Variants in CORO7 observed in about 807,000 individuals in gnomAD.
CORO7 encodes coronin 7, also known as coronin-7.
In CORO7, 107 loss-of-function variants were observed where a neutral mutation model predicts 126.6. The observed-to-expected ratio is 0.85, with a 90% CI of 0.72 to 0.99. The LOEUF (loss-of-function observed/expected upper bound fraction) is 0.99. Ranked by LOEUF, CORO7 falls within the 50% of genes least tolerant of loss-of-function variation. The pLI is 0.00. For missense variants in CORO7, 1,314 were observed against 1,255.8 expected (o/e 1.05, Z -0.70); for synonymous variants, 603 against 536.8 (o/e 1.12, Z -1.70).
intron 21 of CORO7, among the ~76,000 whole-genome samples, chr16:4,359,999 C>T (rs565420755): frequency 2.7e-4 from 38 of 138,702 alleles, no homozygotes; most frequent in Non-Finnish European, 5.3e-4. Context: ...ATCCATCTCC[C>T]CCTTACCCCC....
At chr16:4,378,672 G>A (rs1051033345) in intron 9 of CORO7, among the ~76,000 whole-genome samples, 4 of 152,052 alleles carry the variant, frequency 2.6e-5, no homozygotes, top group South Asian at 2.1e-4. Flanking sequence ...GGTTTGGGGT[G>A]CTAACTTCTT....
intron 9 of CORO7, among the ~76,000 whole-genome samples, chr16:4,377,833 G>A (rs921395892): frequency 6.6e-6 from 1 of 152,186 alleles, no homozygotes; most frequent in African/African-American, 2.4e-5. Flanking sequence ...CACATTTTAC[G>A]GGGCTGGGAA....
intron 9 of CORO7, chr16:4,382,585 C>T (rs1191447936): frequency 2.5e-6 from 4 of 1,587,434 alleles, no homozygotes; most frequent in South Asian, 1.1e-5. Flanking sequence ...CACCCAGGCC[C>T]GCGAGGGCAA....
intron 16 of CORO7, 77 bp from the exon 17 acceptor site, chr16:4,361,546 G>A: frequency 6.6e-7 from 1 of 1,516,910 alleles, no homozygotes; most frequent in Non-Finnish European, 9.0e-7. Context: ...CGGGCAAGCA[G>A]CATGTCTGGG....
At chr16:4,357,000 T>G (rs2053996286) in intron 26 of CORO7, 168 bp downstream of exon 26, 7 of 912,696 alleles carry the variant, frequency 7.7e-6, no homozygotes, top group Admixed American at 7.3e-5. Flanking sequence ...CCGGGCCCCA[T>G]GGTCAGTGGT....
chr16:4,358,100 C>G lies in CORO7; in HGVS notation c.2461G>C (p.Glu821Gln). The G allele has an allele frequency of 6.2e-7, 1 of 1,611,614 alleles. No homozygotes were observed. Among genetic ancestry groups the G allele is most frequent in the Non-Finnish European group, 8.5e-7 (1 of 1,178,310 alleles). The change falls in exon 25 of 28, where the codon GAG becomes CAG. Residue 821 changes from glutamate to glutamine, a missense_variant. By Grantham distance (29) the Glu-to-Gln change is conservative. Transcript: ENST00000251166. The part of the protein sequence containing the change: ...VAFRLPRVRK[E>Q]FFQDDVFPDT... ...GGGAACACGTCATCCTGGAAGAACT[C>G]TTTCTGCAGAGGGAGAAACGGGCTG... is the stretch of plus-strand genomic sequence containing the variant.
intron 6 of CORO7, among the ~76,000 whole-genome samples, chr16:4,397,684 G>A (rs945323744): frequency 3.9e-5 from 6 of 151,956 alleles, no homozygotes; most frequent in African/African-American, 1.4e-4. Context: ...CGCGATCTCG[G>A]CTCACTGCAA....
chr16:4,416,340 G>A (rs948601105), intron 1 of CORO7, 119 bp downstream of exon 1: 61 of 1,323,194 alleles, frequency 4.6e-5, no homozygotes, highest in Non-Finnish European at 5.8e-5. Context: ...GGTTCCCCGG[G>A]GATGGAGGTC....
At chr16:4,382,288 G>A (rs765644688) in intron 9 of CORO7, 2 of 1,609,942 alleles carry the variant, frequency 1.2e-6, no homozygotes, top group South Asian at 1.1e-5. Flanking sequence ...CATCGAGCCG[G>A]TGAGCCCCAC....
intron 16 of CORO7, 80 bp from the exon 17 acceptor site, chr16:4,361,549 T>A: frequency 1.3e-6 from 2 of 1,499,488 alleles, no homozygotes; most frequent in South Asian, 2.3e-5. Context: ...GCAAGCAGCA[T>A]GTCTGGGAGC....
intron 11 of CORO7, 22 bp from the exon 12 acceptor site, chr16:4,364,942 A>T (rs1461843834): frequency 1.2e-6 from 2 of 1,609,162 alleles, no homozygotes; most frequent in Admixed American, 1.7e-5. Context: ...ACCATAGGGG[A>T]ACAGGCAGGA....
intron 8 of CORO7, 105 bp downstream of exon 8, chr16:4,388,440 G>T: frequency 7.7e-7 from 1 of 1,290,930 alleles, no homozygotes; most frequent in Non-Finnish European, 1.1e-6. Context: ...GACAGGCCTG[G>T]AACTGGCCCT....
intron 6 of CORO7, among the ~76,000 whole-genome samples, chr16:4,401,238 G>A (rs372387482): frequency 2.6e-5 from 4 of 152,228 alleles, no homozygotes; most frequent in African/African-American, 7.2e-5. Flanking sequence ...GAGCAAAGAG[G>A]TGGAGAAAGG....
chr16:4,389,293 G>A (rs979850465), intron 7 of CORO7, among the ~76,000 whole-genome samples: 2 of 152,194 alleles, frequency 1.3e-5, no homozygotes, highest in Non-Finnish European at 2.9e-5. Context: ...GGAGAGGGAA[G>A]CTCACATGGT....
At chr16:4,408,051 C>T (rs937912067) in intron 4 of CORO7, 130 bp downstream of exon 4, 38 of 1,401,668 alleles carry the variant, frequency 2.7e-5, no homozygotes, top group Admixed American at 3.8e-5. Flanking sequence ...AGACCAGCCC[C>T]GCAGCCCTGG....
At chr16:4,391,505 G>C (rs903598497) in intron 7 of CORO7, among the ~76,000 whole-genome samples, 1 of 152,190 alleles carries the variant, frequency 6.6e-6, no homozygotes, top group Non-Finnish European at 1.5e-5. Flanking sequence ...GCAGTGAGCC[G>C]AGACTGTGCC....
At chr16:4,361,880 G>A in intron 16 of CORO7, 105 bp downstream of exon 16, 3 of 1,502,558 alleles carry the variant, frequency 2.0e-6, no homozygotes, top group Non-Finnish European at 1.8e-6. Context: ...GCAGGAGCCT[G>A]ACACAAGGTT....
At position 4,388,597 on chromosome 16, in the gene CORO7, C is replaced by T. The variant is rs771356440; in HGVS notation, c.650G>A (p.Arg217Gln). 2.9e-5 allele frequency: 47 copies of T among 1,612,926 alleles called. No individual in the cohort carries two copies. Among genetic ancestry groups the T allele is most frequent in the Admixed American group, 5.0e-5 (3 of 59,942 alleles). Reference sequence around the variant, plus strand: ...CTCCCAGGTGCCCATCCATGCCAGCCGGCTATCCCTGCTGTTCTCATGGGC... The same window carrying T: ...CTCCCAGGTGCCCATCCATGCCAGCTGGCTATCCCTGCTGTTCTCATGGGC... ...TQAHENSRDS[R>Q]LAWMGTWEHL... The change falls in exon 8 of 28, where the codon CGG becomes CAG. Residue 217 changes from arginine (R) to glutamine (Q), a missense_variant. Arg to Gln is a conservative substitution (Grantham distance 43). Transcript: ENST00000251166.
chr16:4,415,904 C>G (rs1465324384), intron 1 of CORO7: 1 of 985,758 alleles, frequency 1.0e-6, no homozygotes, highest in Non-Finnish European at 1.2e-6. Context: ...AAAGAAAGAG[C>G]TTGCGCCAGC....
Sources: gnomAD v4.1 joint callset for allele counts (sites outside exome capture counted in the v4.1 genomes callset) on GRCh38, gnomAD v4.1.1 for gene constraint, MANE v1.5 for transcripts, NCBI Gene and HGNC (gene_info 2026-07-23, HGNC 2026-07-21) for gene names.